The following EDA variants were observed in gnomAD, a reference collection of about 807,000 sequenced individuals.
EDA encodes the protein ectodysplasin A, also known as ectodysplasin-A.
In EDA, 2 loss-of-function variants were observed where a neutral mutation model predicts 23.6. The ratio of observed to expected loss-of-function variants is 0.08; its 90% CI spans 0.03 to 0.27. EDA has a LOEUF of 0.27. EDA is among the 10% of genes least tolerant of loss of function. EDA has a pLI of 1.00. For missense variants in EDA, 229 were observed against 324.2 expected, an observed-to-expected ratio of 0.71 and a Z score of 2.26; for synonymous variants, 131 against 132.0, an observed-to-expected ratio of 0.99 and a Z score of 0.05.
At chrX:69,798,233 C>T (rs761189076) in intron 1 of EDA, among the ~76,000 whole-genome samples, 1 of 110,711 alleles carries the variant, frequency 9.0e-6, no homozygotes, top group Non-Finnish European at 1.9e-5. Context: ...CCTCAACATT[C>T]CACTCTCGGT....
chrX:69,819,948 C>G (rs183432987), intron 1 of EDA, among the ~76,000 whole-genome samples: 2 of 88,828 alleles, frequency 2.3e-5, no homozygotes, highest in African/African-American at 8.6e-5. Flanking sequence ...TAATCCTAAA[C>G]AAAATGAACA....
chrX:69,773,833 C>A (rs1282485060), intron 1 of EDA, among the ~76,000 whole-genome samples: 1 of 111,410 alleles, frequency 9.0e-6, no homozygotes, highest in East Asian at 2.8e-4. Context: ...AATATTTTAT[C>A]CCATTTCTAT....
intron 1 of EDA, among the ~76,000 whole-genome samples, chrX:69,871,261 T>A (rs2017561478): frequency 1.8e-5 from 2 of 111,812 alleles, no homozygotes; most frequent in South Asian, 7.5e-4. Flanking sequence ...ATTCTGTTTC[T>A]CTAGAAACAC....
At chrX:69,701,867 C>T (rs2011542547) in intron 1 of EDA, among the ~76,000 whole-genome samples, 1 of 111,329 alleles carries the variant, frequency 9.0e-6, no homozygotes. Context: ...TCTTGATAAT[C>T]CCAGTGGGGG....
At chrX:69,709,896 G>A (rs184421532) in intron 1 of EDA, among the ~76,000 whole-genome samples, 29 of 110,771 alleles carry the variant, frequency 2.6e-4, no homozygotes, top group African/African-American at 8.8e-4. Flanking sequence ...CTGGATATTA[G>A]CCCTTTGTCA....
At chrX:69,748,649 C>T (rs1173888808) in intron 1 of EDA, among the ~76,000 whole-genome samples, 1 of 111,713 alleles carries the variant, frequency 9.0e-6, no homozygotes, top group Non-Finnish European at 1.9e-5. Context: ...AGCATAATAG[C>T]TTAAAAGCAT....
At chrX:69,635,829 C>T (rs1209196176) in intron 1 of EDA, among the ~76,000 whole-genome samples, 3 of 110,273 alleles carry the variant, frequency 2.7e-5, no homozygotes, top group African/African-American at 9.9e-5. Flanking sequence ...ATAGATTCTA[C>T]CTTCTTAGTG....
intron 2 of EDA, among the ~76,000 whole-genome samples, chrX:69,988,925 C>G (rs1437827326): frequency 1.8e-5 from 2 of 111,037 alleles, no homozygotes; most frequent in South Asian, 3.9e-4. Context: ...TTCCCTCAGC[C>G]CCTGGTGCTA....
At chrX:69,971,838 A>G (rs1403160692) in intron 2 of EDA, among the ~76,000 whole-genome samples, 1 of 111,598 alleles carries the variant, frequency 9.0e-6, no homozygotes, top group Non-Finnish European at 1.9e-5. Context: ...GAATATTTGT[A>G]GATTGAAAGA....
chrX:69,746,080 C>T (rs940549386), intron 1 of EDA, among the ~76,000 whole-genome samples: 1 of 111,529 alleles, frequency 9.0e-6, no homozygotes, highest in African/African-American at 3.3e-5. Flanking sequence ...TCTTCCTTCC[C>T]CCACTTATTT....
chrX:69,910,368 AGAGAGAGTGTGTGTGTGT>A (rs1284263727), intron 1 of EDA, among the ~76,000 whole-genome samples: 2 of 43,761 alleles, frequency 4.6e-5, no homozygotes, highest in African/African-American at 1.4e-4. Flanking sequence ...AGAGAGAGAG[AGAGAGAGTGTGTGTGTGT>A]GTGTGTGTGT....
At chrX:69,918,415 C>T (rs900487986) in intron 1 of EDA, among the ~76,000 whole-genome samples, 1 of 111,419 alleles carries the variant, frequency 9.0e-6, no homozygotes, top group Admixed American at 9.5e-5. Flanking sequence ...CCTCAGCCTC[C>T]CAAAGTGCTG....
At chrX:69,945,116 A>G (rs758909957) in intron 1 of EDA, among the ~76,000 whole-genome samples, 62 of 112,005 alleles carry the variant, frequency 5.5e-4, no homozygotes, top group Non-Finnish European at 8.6e-4. Context: ...TTTCCTTAAT[A>G]TGATGTTAAA....
chrX:70,018,339 A>C (rs183717426), intron 2 of EDA, among the ~76,000 whole-genome samples: 43 of 112,311 alleles, frequency 3.8e-4, no homozygotes, highest in Non-Finnish European at 1.7e-4. Flanking sequence ...TCACAAAACT[A>C]GAAAAAACTA....
intron 1 of EDA, among the ~76,000 whole-genome samples, chrX:69,793,572 T>TG (rs1213010714): frequency 1.2e-5 from 1 of 85,374 alleles, no homozygotes; most frequent in Non-Finnish European, 2.4e-5. Context: ...TTGTTTTTGT[T>TG]TTTTTTTTTT....
At position 69,756,009 on chromosome X, in the gene EDA, T is replaced by C. The variant is rs534779663; in HGVS notation, c.396+139305T>C. Among the ~76,000 whole-genome samples, 8 of 112,132 alleles carry C rather than the reference T, an allele frequency of 7.1e-5. No homozygotes were observed. In the South Asian group the frequency reaches 2.2e-3, roughly 31 times the overall value. On this transcript the variant is annotated intron_variant, in intron 1 of 7. Transcript: ENST00000374552. ...AAGGGAATTCCCCAACCCCTTGAGCTTCCCGGGTGAGGCGATGCCCCGCCC... is the reference window on the plus strand; with the variant it reads ...AAGGGAATTCCCCAACCCCTTGAGCCTCCCGGGTGAGGCGATGCCCCGCCC...
chrX:69,749,832 G>A (rs1172406936), intron 1 of EDA: 1 of 106,167 alleles, frequency 9.4e-6, no homozygotes, highest in Non-Finnish European at 1.9e-5. Flanking sequence ...TAGGATTTTA[G>A]TTCCAGAAAA....
chrX:69,850,448 C>G (rs2017103150), intron 1 of EDA, among the ~76,000 whole-genome samples: 1 of 112,188 alleles, frequency 8.9e-6, no homozygotes, highest in African/African-American at 3.2e-5. Flanking sequence ...TTAGCTTTTA[C>G]CTTTCTCCAA....
chrX:69,815,944 G>A (rs931395078), intron 1 of EDA, among the ~76,000 whole-genome samples: 2 of 111,692 alleles, frequency 1.8e-5, no homozygotes, highest in African/African-American at 6.5e-5. Flanking sequence ...GGTTTGTGCA[G>A]GACAGCAAGA....
Sources: allele counts gnomAD v4.1 joint callset (sites outside exome capture counted in the v4.1 genomes callset), GRCh38; gene constraint gnomAD v4.1.1; transcripts MANE v1.5; gene names NCBI Gene and HGNC (gene_info 2026-07-23, HGNC 2026-07-21).